REEP3: variants seen among roughly 807,000 people sequenced by gnomAD.
The protein encoded by REEP3 is receptor expression-enhancing protein 3.
In REEP3, 20 loss-of-function variants were observed where a neutral mutation model predicts 41.3. The observed-to-expected ratio is 0.48, with a 90% CI of 0.34 to 0.70. The LOEUF is 0.70. Among genes scored for constraint, REEP3 ranks in the 30% least tolerant of loss-of-function variants. The pLI is 0.01. For synonymous variants in REEP3, 104 were observed against 101.8 expected, an observed-to-expected ratio of 1.02 and a Z score of -0.13; for missense variants, 271 against 308.8, an observed-to-expected ratio of 0.88 and a Z score of 0.92.
intron 1 of REEP3, among the ~76,000 whole-genome samples, chr10:63,563,906 C>T (rs879758039): frequency 1.3e-5 from 2 of 152,028 alleles, no homozygotes; most frequent in African/African-American, 2.4e-5. Flanking sequence ...AGAGAAGCAT[C>T]GTACAACATA....
chr10:63,560,122 C>A (rs1450096575), intron 1 of REEP3, among the ~76,000 whole-genome samples: 1 of 151,962 alleles, frequency 6.6e-6, no homozygotes, highest in African/African-American at 2.4e-5. Context: ...GAAAAGGGGG[C>A]TCACTGTTAA....
intron 1 of REEP3, among the ~76,000 whole-genome samples, chr10:63,536,324 C>G (rs1470912722): frequency 6.6e-6 from 1 of 152,216 alleles, no homozygotes; most frequent in African/African-American, 2.4e-5. Flanking sequence ...ACTCACATAT[C>G]ATCACCCTAT....
chr10:63,606,064 A>G, intron 5 of REEP3: 1 of 848,412 alleles, frequency 1.2e-6, no homozygotes, highest in African/African-American at 1.8e-5. Context: ...AATTACCTGG[A>G]CTTTTACATT....
At chr10:63,565,843 A>T (rs1955792838) in intron 1 of REEP3, among the ~76,000 whole-genome samples, 2 of 151,998 alleles carry the variant, frequency 1.3e-5, no homozygotes, top group Admixed American at 1.3e-4. Flanking sequence ...CAAAAAATAA[A>T]GTTTTTATTT....
intron 1 of REEP3, among the ~76,000 whole-genome samples, chr10:63,561,468 A>C (rs981735593): frequency 4.6e-5 from 7 of 152,240 alleles, no homozygotes; most frequent in African/African-American, 1.7e-4. Flanking sequence ...AAGTAGAAAT[A>C]CAAGAGGCAT....
At chr10:63,617,600 A>G (rs1956321171) in intron 6 of REEP3, among the ~76,000 whole-genome samples, 2 of 151,978 alleles carry the variant, frequency 1.3e-5, no homozygotes, top group South Asian at 4.2e-4. Context: ...AGGTTTTACC[A>G]TGTTGCCCAG....
intron 1 of REEP3, among the ~76,000 whole-genome samples, chr10:63,543,348 T>G (rs1955547130): frequency 6.6e-6 from 1 of 152,146 alleles, no homozygotes; most frequent in Admixed American, 6.5e-5. Context: ...CAGGCTAAAG[T>G]ACAGTGGCAC....
intron 6 of REEP3, among the ~76,000 whole-genome samples, chr10:63,613,835 A>T (rs1177493110): frequency 6.6e-6 from 1 of 152,218 alleles, no homozygotes; most frequent in Non-Finnish European, 1.5e-5. Flanking sequence ...TAAAAGATTA[A>T]GATTTAAGTA....
At chr10:63,554,897 T>G (rs1955663283) in intron 1 of REEP3, among the ~76,000 whole-genome samples, 1 of 152,200 alleles carries the variant, frequency 6.6e-6, no homozygotes, top group African/African-American at 2.4e-5. Flanking sequence ...ATTTTTTTGT[T>G]GGGGTCTACC....
intron 5 of REEP3, among the ~76,000 whole-genome samples, chr10:63,605,183 T>A (rs1003632271): frequency 6.6e-6 from 1 of 152,222 alleles, no homozygotes; most frequent in Non-Finnish European, 1.5e-5. Context: ...ATAAGTAGTT[T>A]TGGTGGTAGG....
chr10:63,603,534 G>A (rs976076694), intron 5 of REEP3, among the ~76,000 whole-genome samples: 5 of 151,796 alleles, frequency 3.3e-5, no homozygotes, highest in Admixed American at 2.6e-4. Context: ...TTAAAATCAC[G>A]TGTCCACCCC....
intron 1 of REEP3, among the ~76,000 whole-genome samples, chr10:63,557,028 T>G (rs568529389): frequency 3.5e-4 from 53 of 152,318 alleles, no homozygotes; most frequent in African/African-American, 1.2e-3. Flanking sequence ...GAATTCTCCC[T>G]ATGTATAGTG....
chr10:63,609,446 TGTC>T (rs1956259518), intron 5 of REEP3, among the ~76,000 whole-genome samples: 1 of 142,854 alleles, frequency 7.0e-6, no homozygotes, highest in Non-Finnish European at 1.5e-5. Flanking sequence ...AGCGAGACTC[TGTC>T]TCAAAAAAAA....
At chr10:63,547,999 T>TCC (rs1291452137) in intron 1 of REEP3, among the ~76,000 whole-genome samples, 5 of 152,232 alleles carry the variant, frequency 3.3e-5, no homozygotes, top group Non-Finnish European at 7.3e-5. Context: ...TTGACGTTTT[T>TCC]CCCAAGGATG....
intron 1 of REEP3, among the ~76,000 whole-genome samples, chr10:63,541,646 T>C (rs1002856839): frequency 6.6e-6 from 1 of 152,196 alleles, no homozygotes; most frequent in Non-Finnish European, 1.5e-5. Flanking sequence ...AGTTTTTTTT[T>C]TGAAGGTTAA....
At chr10:63,620,031 C>T (rs1956341931) in intron 7 of REEP3, among the ~76,000 whole-genome samples, 1 of 149,024 alleles carries the variant, frequency 6.7e-6, no homozygotes, top group African/African-American at 2.5e-5. Flanking sequence ...CTCCTGGGCT[C>T]AAGCAGTCCT....
rs1016073122 is a variant in REEP3 at position 63,624,212 on chromosome 10, A to G, written c.*3343A>G. Reference sequence around the variant, plus strand: ...GACTCATTTGTGAAGCAATTAGGCAAATTTTGAGAAGATCATTGTTATTGT... The same window carrying G: ...GACTCATTTGTGAAGCAATTAGGCAGATTTTGAGAAGATCATTGTTATTGT... On this transcript the variant is annotated 3_prime_UTR_variant, in exon 8 of 8. Coordinates refer to ENST00000373758, the MANE Select transcript of REEP3 (RefSeq NM_001001330.3). 4 of 152,076 alleles carry G rather than the reference A, an allele frequency of 2.6e-5. No homozygotes were observed. The highest frequency in any genetic ancestry group is 5.9e-5 in the Non-Finnish European group (4 of 67,960). The allele number at this position is 152,076 out of a possible 1,614,324, so 9.4% of individuals were successfully genotyped here. A position where few individuals can be genotyped will look rare whatever the true frequency, so the allele number is the denominator to read the frequency against.
At chr10:63,603,116 A>G (rs891787152) in intron 5 of REEP3, among the ~76,000 whole-genome samples, 3 of 151,610 alleles carry the variant, frequency 2.0e-5, no homozygotes, top group Admixed American at 6.6e-5. Context: ...GATTGAGACC[A>G]TCCTGGCTAA....
chr10:63,579,046 G>GA (rs151292170), intron 2 of REEP3, among the ~76,000 whole-genome samples: 2,553 of 148,346 alleles, frequency 0.017, 34 homozygotes, highest in Non-Finnish European at 0.027. Context: ...TTTTTTGGGG[G>GA]GGGGGAGATG....
Sources: allele counts gnomAD v4.1 joint callset (sites outside exome capture counted in the v4.1 genomes callset), GRCh38; gene constraint gnomAD v4.1.1; transcripts MANE v1.5; gene names NCBI Gene and HGNC (gene_info 2026-07-23, HGNC 2026-07-21).